ZNF211: variants seen among roughly 807,000 people sequenced by gnomAD.
The protein encoded by ZNF211 is zinc finger protein 211.
A neutral mutation model predicts 12.1 loss-of-function variants in ZNF211; 18 were observed. The ratio of observed to expected loss-of-function variants is 1.48; its 90% CI spans 1.03 to 2.20. ZNF211 has a LOEUF of 2.20. Ranked by LOEUF, ZNF211 falls within the 30% of genes most tolerant of loss-of-function variation. ZNF211 has a pLI of 0.00. For synonymous variants in ZNF211, 249 were observed against 246.0 expected (o/e 1.01, Z -0.11); for missense variants, 677 against 703.1 (o/e 0.96, Z 0.42).
intron 3 of ZNF211, 132 bp downstream of exon 3, chr19:57,634,887 G>A (rs1292660497): frequency 4.6e-6 from 6 of 1,299,638 alleles, no homozygotes; most frequent in East Asian, 2.9e-5. Flanking sequence ...TAGATGTTGT[G>A]GACTGAGTGC....
Position 57,641,176 on chromosome 19 carries a change from C to G in ZNF211, c.729C>G (p.Asn243Lys). 1.2e-6 allele frequency: 2 copies of G among 1,614,222 alleles called. No individual in the cohort carries two copies. Among genetic ancestry groups the G allele is most frequent in the Non-Finnish European group, 1.7e-6 (2 of 1,180,044 alleles). Residue 243 changes from asparagine (N) to lysine (K), a missense_variant, in exon 4 of 4, where the codon AAC becomes AAG. Asn to Lys is a moderately conservative substitution (Grantham distance 94, BLOSUM62 0). Transcript: ENST00000240731. The stretch of plus-strand genomic sequence containing the variant: ...TTTACAGTGGAAAAAGTCATCACAA[C>G]TGGGGAAAATGCAGTAAAGCCTTTA... ...VAFYSGKSHH[N>K]WGKCSKAFSH... is the part of the protein sequence containing the mutation.
At chr19:57,635,405 T>G (rs1287013535) in intron 3 of ZNF211, among the ~76,000 whole-genome samples, 2 of 152,214 alleles carry the variant, frequency 1.3e-5, no homozygotes, top group Admixed American at 1.3e-4. Context: ...AAATAATAAC[T>G]CTTCCCATCC....
chr19:57,635,073 C>A, intron 3 of ZNF211: 1 of 586,078 alleles, frequency 1.7e-6, no homozygotes, highest in Non-Finnish European at 2.1e-6. Context: ...TTTATTTGTG[C>A]TAGACTGTGA....
chr19:57,633,934 C>G, intron 1 of ZNF211, 89 bp from the exon 2 acceptor site: 1 of 1,607,958 alleles, frequency 6.2e-7, no homozygotes, highest in Non-Finnish European at 8.5e-7. Flanking sequence ...AGTTACGTGG[C>G]TCTGGGCCGG....
chr19:57,638,728 T>C (rs1263250364), intron 3 of ZNF211, among the ~76,000 whole-genome samples: 1 of 152,214 alleles, frequency 6.6e-6, no homozygotes, highest in African/African-American at 2.4e-5. Context: ...TTGTTAGAGC[T>C]AGTTGGTTGT....
chr19:57,640,797 C>A lies in ZNF211; in HGVS notation c.350C>A (p.Ser117Ter). 2 of 1,614,200 alleles carry A rather than the reference C, an allele frequency of 1.2e-6. No individual in the cohort carries two copies. The highest frequency in any genetic ancestry group is 1.7e-6 in the Non-Finnish European group (2 of 1,180,020). Residue 117 changes from serine to a stop codon, truncating the protein, a stop_gained, in exon 4 of 4, where the codon TCA becomes TAA. Transcript: ENST00000240731. LOFTEE classifies it low-confidence loss of function (END_TRUNC). Reference sequence around the variant, plus strand: ...CAGTTCAGGACTTCCAAAGAAGGTTCATCTTCCCAGAATGCCGACTCCTGT... The same window carrying A: ...CAGTTCAGGACTTCCAAAGAAGGTTAATCTTCCCAGAATGCCGACTCCTGT... ...VPQFRTSKEG[S>*]SSQNADSCEI...
rs778535214 is a variant in ZNF211 at position 57,643,556 on chromosome 19, A to G, written c.*1375A>G. 3.3e-5 allele frequency among the ~76,000 whole-genome samples: 5 copies of G among 152,200 alleles called. No homozygotes were observed. The highest frequency in any genetic ancestry group is 3.2e-3 in the Middle Eastern group (1 of 316). On this transcript the variant is annotated 3_prime_UTR_variant, in exon 4 of 4. Transcript: ENST00000240731. ...GTAACCTACCATCATCCTGTGTTTAAATGAATTCAAATCAGTTTCATTGAT... is the reference window on the plus strand; with the variant it reads ...GTAACCTACCATCATCCTGTGTTTAGATGAATTCAAATCAGTTTCATTGAT...
rs1982829456 is a variant in ZNF211 at position 57,641,000 on chromosome 19, T to C, written c.553T>C (p.Phe185Leu). 1 of 1,614,166 alleles carries C rather than the reference T, an allele frequency of 6.2e-7. No individual in the cohort carries two copies. Among genetic ancestry groups the C allele is most frequent in the South Asian group, 1.1e-5 (1 of 91,084 alleles). The change falls in exon 4 of 4, where the codon TTT (phenylalanine) becomes CTT (leucine). Residue 185 changes from phenylalanine (F) to leucine (L), a missense_variant. Physicochemically the swap from Phe to Leu is conservative, Grantham distance 22. Transcript: ENST00000240731. Reference protein sequence around the residue: ...PFRSYVDTASFTQSCIVHVSE... With the variant: ...PFRSYVDTASLTQSCIVHVSE... ...CAGAAGTTATGTGGACACTGCCTCGTTTACACAGAGTTGCATAGTCCATGT... is the reference window on the plus strand; with the variant it reads ...CAGAAGTTATGTGGACACTGCCTCGCTTACACAGAGTTGCATAGTCCATGT...
chr19:57,634,592 A>T (rs763202429), intron 2 of ZNF211, 37 bp from the exon 3 acceptor site: 1 of 1,498,334 alleles, frequency 6.7e-7, no homozygotes, highest in Non-Finnish European at 8.9e-7. Flanking sequence ...TTCCAAATTG[A>T]GACTGTTCAT....
In ZNF211 at chr19:57,639,878, T is replaced by C. The variant is rs138033768; in HGVS notation, c.257-826T>C. 878 of 1,514,608 alleles carry C rather than the reference T, an allele frequency of 5.8e-4. 6 individuals are homozygous for C. In the African/African-American group the frequency reaches 0.011, roughly 19 times the overall value. 93.8% of individuals were successfully genotyped at this position (1,514,608 alleles called of 1,614,324 possible). ...TTTGTGCCGTGTTGTTCTGGGCCAGTGTTAGTTGCTCACATGTCCTGTCTT... is the reference window on the plus strand; with the variant it reads ...TTTGTGCCGTGTTGTTCTGGGCCAGCGTTAGTTGCTCACATGTCCTGTCTT... On this transcript the variant is annotated intron_variant, in intron 3 of 3. Coordinates refer to ENST00000240731, the MANE Select transcript of ZNF211 (RefSeq NM_006385.5).
rs369088499 is a variant in ZNF211 at position 57,633,251 on chromosome 19, G to A, written c.-96G>A. 915 of 1,215,930 alleles carry A rather than the reference G, an allele frequency of 7.5e-4. 8 individuals carry two copies. The African/African-American group carries it at 0.013, about 18-fold the overall frequency. 75.3% of individuals were successfully genotyped at this position (1,215,930 alleles called of 1,614,324 possible). On this transcript the variant is annotated 5_prime_UTR_variant, in exon 1 of 4. Coordinates refer to ENST00000240731, the MANE Select transcript of ZNF211 (RefSeq NM_006385.5). ...TTCTGTCTGTCAGCCGCTTTGGTAC[G>A]CTGCATCGGGATCGAAGTGACGGAC...
At chr19:57,636,456 T>C (rs1192041812) in intron 3 of ZNF211, among the ~76,000 whole-genome samples, 2 of 152,306 alleles carry the variant, frequency 1.3e-5, no homozygotes, top group Admixed American at 6.5e-5. Flanking sequence ...CATGTAGATA[T>C]CCAGTTTTCC....
chr19:57,639,977 CA>C (rs1982678097), intron 3 of ZNF211: 3 of 1,535,974 alleles, frequency 2.0e-6, no homozygotes, highest in Non-Finnish European at 2.6e-6. Context: ...CTCTGTTCTT[CA>C]CAGGATGTTC....
At chr19:57,633,749 G>C (rs919228844) in intron 1 of ZNF211, 3 of 1,533,988 alleles carry the variant, frequency 2.0e-6, no homozygotes, top group African/African-American at 2.7e-5. Flanking sequence ...GCAAACGAGA[G>C]ACACCATCTG....
At chr19:57,639,801 A>C in intron 3 of ZNF211, 1 of 1,173,008 alleles carries the variant, frequency 8.5e-7, no homozygotes, top group Non-Finnish European at 1.2e-6. Context: ...AAGTTACAAC[A>C]CTCTAACTTG....
At chr19:57,634,226 G>T in intron 2 of ZNF211, 165 bp downstream of exon 2, 1 of 692,410 alleles carries the variant, frequency 1.4e-6, no homozygotes. Flanking sequence ...CTGAGTCCAG[G>T]CCAATGTTTC....
At chr19:57,635,208 T>C (rs866095973) in intron 3 of ZNF211, among the ~76,000 whole-genome samples, 2 of 152,258 alleles carry the variant, frequency 1.3e-5, no homozygotes, top group African/African-American at 2.4e-5. Context: ...ACTGTTCTTA[T>C]AGAAACCTCC....
rs370304877 is a variant in ZNF211, at chr19:57,640,830, G to A, written c.383G>A (p.Cys128Tyr). 2 of 1,614,244 alleles carry A rather than the reference G, an allele frequency of 1.2e-6. No homozygotes were observed. Among genetic ancestry groups the A allele is most frequent in the South Asian group, 1.1e-5 (1 of 91,090 alleles). ...CAGAATGCCGACTCCTGTGAAATAT[G>A]TTGCCTGGTCTTGAGAGATATTTTG... ...SSQNADSCEI[C>Y]CLVLRDILHL... The change falls in exon 4 of 4, where the codon TGT becomes TAT. Residue 128 changes from cysteine (C) to tyrosine (Y), a missense_variant. Transcript: ENST00000240731.
Position 57,634,661 on chromosome 19 carries a change from C to G in ZNF211, c.162C>G (p.Tyr54Ter). 6.2e-7 allele frequency: 1 copy of G among 1,602,544 alleles called. No individual in the cohort carries two copies. The highest frequency in any genetic ancestry group is 8.5e-7 in the Non-Finnish European group (1 of 1,173,702). Residue 54 changes from tyrosine (Y) to a stop codon, truncating the protein, a stop_gained, in exon 3 of 4, where the codon TAC becomes TAG. Coordinates refer to ENST00000240731, the MANE Select transcript of ZNF211 (RefSeq NM_006385.5). LOFTEE classifies it high-confidence loss of function. ...GSVTFEDVAV[Y>*]FSWEEWDLLD... is the part of the protein sequence containing the mutation. ...TGACCTTTGAAGATGTGGCCGTGTA[C>G]TTCTCCTGGGAGGAATGGGATCTCC... is the stretch of plus-strand genomic sequence containing the variant.
Sources: allele counts gnomAD v4.1 joint callset (sites outside exome capture counted in the v4.1 genomes callset), GRCh38; gene constraint gnomAD v4.1.1; transcripts MANE v1.5; gene names NCBI Gene and HGNC (gene_info 2026-07-23, HGNC 2026-07-21).